Variants in RCL1 observed in about 807,000 individuals in gnomAD.
The protein encoded by RCL1 is RNA terminal phosphate cyclase like 1.
In RCL1, 24 loss-of-function variants were observed where a neutral mutation model predicts 42.4. The observed-to-expected ratio is 0.57, with a 90% CI of 0.41 to 0.80. The LOEUF is 0.80. RCL1 is among the 30% of genes least tolerant of loss of function. The pLI, the probability that RCL1 is intolerant of heterozygous loss-of-function variation, is 0.00. For missense variants in RCL1, 578 were observed against 467.9 expected, an observed-to-expected ratio of 1.24 and a Z score of -2.17; for synonymous variants, 228 against 177.3, an observed-to-expected ratio of 1.29 and a Z score of -2.27.
At chr9:4,797,705 G>A (rs1238985030) in intron 1 of RCL1, among the ~76,000 whole-genome samples, 1 of 152,132 alleles carries the variant, frequency 6.6e-6, no homozygotes, top group Non-Finnish European at 1.5e-5. Flanking sequence ...TCTTTTCCCT[G>A]TATCCCTAAT....
intron 1 of RCL1, among the ~76,000 whole-genome samples, chr9:4,803,395 G>C (rs1398925999): frequency 6.6e-6 from 1 of 152,034 alleles, no homozygotes; most frequent in Non-Finnish European, 1.5e-5. Flanking sequence ...AGAATACAAG[G>C]TGATCTTCAT....
intron 1 of RCL1, among the ~76,000 whole-genome samples, chr9:4,801,353 G>A (rs1019531191): frequency 4.6e-5 from 7 of 152,064 alleles, no homozygotes; most frequent in Non-Finnish European, 1.0e-4. Flanking sequence ...TTAACTTTTT[G>A]TAGAGATGGA....
chr9:4,859,774 G>A (rs1397815293), intron 8 of RCL1, among the ~76,000 whole-genome samples: 1 of 152,016 alleles, frequency 6.6e-6, no homozygotes, highest in South Asian at 2.1e-4. Flanking sequence ...GGCCAGTTTG[G>A]GCAACATAGT....
chr9:4,799,869 G>C (rs191185007), intron 1 of RCL1, among the ~76,000 whole-genome samples: 206 of 152,270 alleles, frequency 1.4e-3, no homozygotes, highest in African/African-American at 4.8e-3. Context: ...ATCAAACCCT[G>C]ATTCCCTGTC....
intron 1 of RCL1, among the ~76,000 whole-genome samples, chr9:4,809,005 C>G (rs944626402): frequency 3.9e-5 from 6 of 152,124 alleles, no homozygotes. Context: ...CAATCATATT[C>G]CCAAGAAGCA....
At chr9:4,848,011 A>T (rs1017329586) in intron 7 of RCL1, among the ~76,000 whole-genome samples, 3 of 152,192 alleles carry the variant, frequency 2.0e-5, no homozygotes, top group African/African-American at 7.2e-5. Context: ...TTCCTCCATG[A>T]TGTCCTGTAC....
intron 3 of RCL1, among the ~76,000 whole-genome samples, chr9:4,828,897 G>C (rs971291762): frequency 6.6e-6 from 1 of 152,204 alleles, no homozygotes; most frequent in East Asian, 1.9e-4. Flanking sequence ...ACCTTGGTTG[G>C]TATCTGGCTC....
chr9:4,801,963 CG>C (rs1419808401), intron 1 of RCL1, among the ~76,000 whole-genome samples: 8 of 151,474 alleles, frequency 5.3e-5, no homozygotes, highest in African/African-American at 1.9e-4. Context: ...CGCTGGAGTG[CG>C]GTGGTGCAAT....
chr9:4,797,119 G>C (rs1366613763), intron 1 of RCL1, among the ~76,000 whole-genome samples: 1 of 152,128 alleles, frequency 6.6e-6, no homozygotes, highest in African/African-American at 2.4e-5. Context: ...CTTGGTCCTT[G>C]GGCAAATTAT....
intron 1 of RCL1, among the ~76,000 whole-genome samples, chr9:4,818,009 C>T (rs1816451813): frequency 6.9e-6 from 1 of 144,564 alleles, no homozygotes; most frequent in South Asian, 2.2e-4. Context: ...CAACTTCTGC[C>T]TCCTAGGTTC....
chr9:4,800,469 C>T (rs1842981855), intron 1 of RCL1, among the ~76,000 whole-genome samples: 1 of 152,088 alleles, frequency 6.6e-6, no homozygotes, highest in Admixed American at 6.5e-5. Flanking sequence ...CCCACCTCAG[C>T]CTCCCAAAGT....
At position 4,806,391 on chromosome 9, in the gene RCL1, G is replaced by T. The variant is rs546536334; in HGVS notation, c.136+13164G>T. Among the ~76,000 whole-genome samples the T allele has an allele frequency of 9.2e-5, 14 of 152,184 alleles. No individual in the cohort carries two copies. The East Asian group carries it at 2.7e-3, about 29-fold the overall frequency. ...GATTTTAAAAAGTCAAGTTGAGAAAGTAATCTTTTATAACAGTTTTTCTAA... is the reference window on the plus strand; with the variant it reads ...GATTTTAAAAAGTCAAGTTGAGAAATTAATCTTTTATAACAGTTTTTCTAA... On this transcript the variant is annotated intron_variant, in intron 1 of 8. Transcript: ENST00000381750.
chr9:4,824,685 C>T (rs76183858), intron 2 of RCL1, among the ~76,000 whole-genome samples: 1,807 of 152,216 alleles, frequency 0.012, 40 homozygotes, highest in African/African-American at 0.042. Context: ...TATCTTGGCT[C>T]TCTTAAGGCA....
intron 1 of RCL1, among the ~76,000 whole-genome samples, chr9:4,817,423 C>T (rs1816420329): frequency 6.7e-6 from 1 of 149,160 alleles, no homozygotes; most frequent in Non-Finnish European, 1.5e-5. Flanking sequence ...GTAAAGTGGT[C>T]GATTTATGTT....
At chr9:4,806,048 G>GTT (rs1486444935) in intron 1 of RCL1, among the ~76,000 whole-genome samples, 1 of 126,846 alleles carries the variant, frequency 7.9e-6, no homozygotes, top group Non-Finnish European at 1.9e-5. Flanking sequence ...GTGTGTGTTT[G>GTT]TGTGTGTGTG....
intron 1 of RCL1, among the ~76,000 whole-genome samples, chr9:4,802,263 T>A (rs1843016754): frequency 6.6e-6 from 1 of 152,090 alleles, no homozygotes; most frequent in South Asian, 2.1e-4. Flanking sequence ...TGTAGCTGTC[T>A]AATGAGTCTT....
chr9:4,810,974 A>G (rs1466798197), intron 1 of RCL1, among the ~76,000 whole-genome samples: 1 of 152,176 alleles, frequency 6.6e-6, no homozygotes, highest in Non-Finnish European at 1.5e-5. Context: ...TGATACATGT[A>G]TACAGTATAT....
chr9:4,832,720 A>G (rs1172809393), intron 3 of RCL1, among the ~76,000 whole-genome samples: 1 of 147,296 alleles, frequency 6.8e-6, no homozygotes, highest in African/African-American at 2.5e-5. Context: ...AGGCAGGAGA[A>G]TCGCTTGAAC....
chr9:4,819,649 A>T (rs1234019335), intron 1 of RCL1, among the ~76,000 whole-genome samples: 1 of 152,176 alleles, frequency 6.6e-6, no homozygotes, highest in African/African-American at 2.4e-5. Flanking sequence ...TCTACTGAAA[A>T]TACAAAAATT....
Sources: gnomAD v4.1 joint callset for allele counts (sites outside exome capture counted in the v4.1 genomes callset) on GRCh38, gnomAD v4.1.1 for gene constraint, MANE v1.5 for transcripts, NCBI Gene and HGNC (gene_info 2026-07-23, HGNC 2026-07-21) for gene names.